The following KIAA1217 variants were observed in gnomAD, a reference collection of about 807,000 sequenced individuals.
The protein encoded by KIAA1217 is KIAA1217.
A neutral mutation model predicts 163.9 loss-of-function variants in KIAA1217; 88 were observed. The ratio of observed to expected loss-of-function variants is 0.54; its 90% CI spans 0.45 to 0.64. KIAA1217 has a LOEUF of 0.64. Ranked by LOEUF, KIAA1217 falls within the 30% of genes least tolerant of loss-of-function variation. The pLI, the probability that KIAA1217 is intolerant of heterozygous loss-of-function variation, is 0.00. For missense variants in KIAA1217, 2,372 were observed against 2,475.0 expected, an observed-to-expected ratio of 0.96 and a Z score of 0.88; for synonymous variants, 903 against 923.1, an observed-to-expected ratio of 0.98 and a Z score of 0.39.
chr10:24,413,325 A>G (rs2057963777), intron 3 of KIAA1217, among the ~76,000 whole-genome samples: 1 of 152,126 alleles, frequency 6.6e-6, no homozygotes, highest in Non-Finnish European at 1.5e-5. Context: ...AGCTGGGACT[A>G]CAGGCCCAGC....
intron 2 of KIAA1217, among the ~76,000 whole-genome samples, chr10:24,138,895 T>C (rs1158682559): frequency 6.6e-6 from 1 of 152,190 alleles, no homozygotes; most frequent in African/African-American, 2.4e-5. Context: ...TCATGTGACA[T>C]TATGGTGTAG....
intron 2 of KIAA1217, among the ~76,000 whole-genome samples, chr10:24,335,294 GT>G (rs57833930): frequency 6.4e-4 from 90 of 139,614 alleles, no homozygotes; most frequent in African/African-American, 9.8e-4. Context: ...GGCAAGGAGG[GT>G]TTTTTTTTTT....
chr10:24,341,565 T>C (rs539564861), intron 2 of KIAA1217, among the ~76,000 whole-genome samples: 1 of 152,338 alleles, frequency 6.6e-6, no homozygotes, highest in South Asian at 2.1e-4. Context: ...TGGAAAATTT[T>C]ATGAAGTTGA....
chr10:24,422,992 C>T (rs776199772), intron 3 of KIAA1217, among the ~76,000 whole-genome samples: 6 of 148,118 alleles, frequency 4.1e-5, no homozygotes, highest in Non-Finnish European at 8.9e-5. Context: ...GCAAGTTCTG[C>T]CTCCTGGGCT....
intron 1 of KIAA1217, among the ~76,000 whole-genome samples, chr10:23,745,322 A>G (rs1437392695): frequency 6.6e-6 from 1 of 152,252 alleles, no homozygotes; most frequent in Non-Finnish European, 1.5e-5. Flanking sequence ...TTGAAAGCAC[A>G]TTATATGACA....
At chr10:23,798,900 C>A (rs576124249) in intron 1 of KIAA1217, among the ~76,000 whole-genome samples, 13 of 152,306 alleles carry the variant, frequency 8.5e-5, no homozygotes, top group African/African-American at 3.1e-4. Context: ...TGACAAAGTA[C>A]CACAAACAGA....
chr10:23,907,205 G>C (rs948179670), intron 1 of KIAA1217, among the ~76,000 whole-genome samples: 5 of 151,666 alleles, frequency 3.3e-5, no homozygotes, highest in African/African-American at 1.2e-4. Flanking sequence ...CCTTTCTTTT[G>C]TCTTTACCTC....
chr10:24,440,932 C>G (rs1377248434), intron 5 of KIAA1217, among the ~76,000 whole-genome samples: 1 of 152,208 alleles, frequency 6.6e-6, no homozygotes, highest in East Asian at 1.9e-4. Flanking sequence ...CTGCCCTCAC[C>G]TTTTGGCTCT....
chr10:24,323,797 G>A (rs1050475777), intron 2 of KIAA1217, among the ~76,000 whole-genome samples: 6 of 36,680 alleles, frequency 1.6e-4, no homozygotes, highest in Non-Finnish European at 2.1e-4. Context: ...TCGTGTGTGT[G>A]TGTGTGTGTG....
chr10:24,072,552 T>C (rs2061224720), intron 2 of KIAA1217, among the ~76,000 whole-genome samples: 1 of 152,190 alleles, frequency 6.6e-6, no homozygotes. Flanking sequence ...CTGTTACATT[T>C]GTGGGATCCA....
intron 2 of KIAA1217, among the ~76,000 whole-genome samples, chr10:24,163,790 T>C (rs1248368651): frequency 6.6e-6 from 1 of 152,194 alleles, no homozygotes; most frequent in Admixed American, 6.5e-5. Context: ...AGAACTACAA[T>C]AGCCTTCTAA....
intron 1 of KIAA1217, among the ~76,000 whole-genome samples, chr10:23,803,761 T>C (rs1377834393): frequency 1.3e-5 from 2 of 152,230 alleles, no homozygotes; most frequent in African/African-American, 2.4e-5. Flanking sequence ...TATTAGTGCC[T>C]AGGTCTTTTT....
chr10:24,100,595 A>G (rs144031915), intron 2 of KIAA1217, among the ~76,000 whole-genome samples: 327 of 152,310 alleles, frequency 2.1e-3, no homozygotes, highest in African/African-American at 6.9e-3. Context: ...CTTAAAGTGA[A>G]TGTTGCTTTT....
chr10:23,902,716 G>C (rs1386588718), intron 1 of KIAA1217, among the ~76,000 whole-genome samples: 1 of 152,114 alleles, frequency 6.6e-6, no homozygotes, highest in Admixed American at 6.5e-5. Context: ...ATGTGATGGG[G>C]TGTTGATGTG....
intron 2 of KIAA1217, among the ~76,000 whole-genome samples, chr10:24,338,275 C>A (rs190666215): frequency 2.2e-4 from 34 of 152,268 alleles, no homozygotes; most frequent in African/African-American, 7.2e-4. Flanking sequence ...TAAGGTTGAA[C>A]CCATACATAT....
intron 3 of KIAA1217, among the ~76,000 whole-genome samples, chr10:24,393,923 C>G (rs192000859): frequency 6.6e-6 from 1 of 152,198 alleles, no homozygotes; most frequent in Admixed American, 6.5e-5. Context: ...CTTCTTCTTT[C>G]GTCCTGTCTC....
chr10:24,259,180 T>A (rs2075475118), intron 2 of KIAA1217, among the ~76,000 whole-genome samples: 1 of 152,024 alleles, frequency 6.6e-6, no homozygotes, highest in African/African-American at 2.4e-5. Flanking sequence ...TGTGTCTGTT[T>A]GTGAGCGTGT....
chr10:24,476,470 A>G (rs977810536), intron 6 of KIAA1217, among the ~76,000 whole-genome samples: 8 of 152,186 alleles, frequency 5.3e-5, no homozygotes, highest in African/African-American at 1.9e-4. Context: ...AATTCTATGG[A>G]CTTCAGTTTT....
intron 5 of KIAA1217, among the ~76,000 whole-genome samples, chr10:24,446,166 G>A (rs2060917364): frequency 6.6e-6 from 1 of 152,148 alleles, no homozygotes; most frequent in African/African-American, 2.4e-5. Context: ...TTTTTTGGCT[G>A]CATAAATGTC....
Sources: gnomAD v4.1 joint callset for allele counts (sites outside exome capture counted in the v4.1 genomes callset) on GRCh38, gnomAD v4.1.1 for gene constraint, MANE v1.5 for transcripts, NCBI Gene and HGNC (gene_info 2026-07-23, HGNC 2026-07-21) for gene names.